KCND2: variants seen among roughly 807,000 people sequenced by gnomAD.
KCND2 encodes A-type voltage-gated potassium channel KCND2.
Under a neutral mutation model 54.4 loss-of-function variants are expected in KCND2, and 16 were observed. The ratio of observed to expected loss-of-function variants is 0.29; its 90% confidence interval spans 0.20 to 0.45. The LOEUF is 0.45. Among genes scored for constraint, KCND2 ranks in the 20% least tolerant of loss-of-function variants. KCND2 has a pLI of 1.00. For missense variants in KCND2, 486 were observed against 824.2 expected (o/e 0.59, Z 5.02); for synonymous variants, 317 against 310.7 (o/e 1.02, Z -0.21).
chr7:120,477,899 G>A (rs1440020539), intron 1 of KCND2, among the ~76,000 whole-genome samples: 1 of 152,106 alleles, frequency 6.6e-6, no homozygotes, highest in Non-Finnish European at 1.5e-5. Context: ...GTCAAAACTG[G>A]TAAGAGTTGC....
intron 1 of KCND2, among the ~76,000 whole-genome samples, chr7:120,551,031 C>A (rs566214275): frequency 6.6e-6 from 1 of 152,254 alleles, no homozygotes; most frequent in Admixed American, 6.5e-5. Flanking sequence ...AGAGAACCAA[C>A]CAATTGGCAT....
At chr7:120,636,799 C>T (rs546657893) in intron 1 of KCND2, among the ~76,000 whole-genome samples, 7 of 152,194 alleles carry the variant, frequency 4.6e-5, no homozygotes, top group African/African-American at 1.7e-4. Context: ...AAGCATTTTG[C>T]AGATTGCCTA....
intron 1 of KCND2, among the ~76,000 whole-genome samples, chr7:120,369,112 A>T (rs181259777): frequency 1.8e-4 from 28 of 152,044 alleles, no homozygotes; most frequent in African/African-American, 6.7e-4. Flanking sequence ...TTTGAAAGTT[A>T]ACAATTTTGG....
At chr7:120,665,075 C>G (rs1334997528) in intron 1 of KCND2, among the ~76,000 whole-genome samples, 2 of 152,012 alleles carry the variant, frequency 1.3e-5, no homozygotes, top group East Asian at 3.8e-4. Context: ...ACCCAAAATG[C>G]TGATTATTTT....
At chr7:120,354,347 C>G (rs1457239510) in intron 1 of KCND2, among the ~76,000 whole-genome samples, 1 of 152,152 alleles carries the variant, frequency 6.6e-6, no homozygotes, top group Non-Finnish European at 1.5e-5. Flanking sequence ...AACTTGTCAA[C>G]ATTTCAAAAA....
At chr7:120,286,362 G>A (rs2116266090) in intron 1 of KCND2, among the ~76,000 whole-genome samples, 1 of 151,980 alleles carries the variant, frequency 6.6e-6, no homozygotes, top group African/African-American at 2.4e-5. Flanking sequence ...ATAGCTATAT[G>A]ACCGATCTTA....
At chr7:120,428,484 C>G (rs1051183624) in intron 1 of KCND2, among the ~76,000 whole-genome samples, 1 of 152,138 alleles carries the variant, frequency 6.6e-6, no homozygotes, top group African/African-American at 2.4e-5. Context: ...CCATGACTAG[C>G]AGTCTGAAAG....
intron 1 of KCND2, among the ~76,000 whole-genome samples, chr7:120,283,753 A>G (rs1260883892): frequency 1.3e-5 from 2 of 152,174 alleles, no homozygotes; most frequent in Admixed American, 1.3e-4. Flanking sequence ...AATATTACAC[A>G]CATTTTGAAT....
chr7:120,654,203 C>T (rs952677200), intron 1 of KCND2, among the ~76,000 whole-genome samples: 2 of 151,810 alleles, frequency 1.3e-5, no homozygotes, highest in African/African-American at 2.4e-5. Context: ...AGAATGACTC[C>T]GAGAATGCAG....
intron 1 of KCND2, among the ~76,000 whole-genome samples, chr7:120,528,324 C>T (rs1791802025): frequency 6.6e-6 from 1 of 151,954 alleles, no homozygotes; most frequent in South Asian, 2.1e-4. Flanking sequence ...AGGAAAAGAA[C>T]TTGTTACATA....
chr7:120,565,377 G>GGGAATGAAACTGTTA (rs1792284052), intron 1 of KCND2, among the ~76,000 whole-genome samples: 1 of 152,148 alleles, frequency 6.6e-6, no homozygotes. Flanking sequence ...AGAAAAGAGA[G>GGGAATGAAACTGTTA]GGAATGAAAC....
intron 1 of KCND2, among the ~76,000 whole-genome samples, chr7:120,500,654 G>A (rs1017219557): frequency 6.6e-6 from 1 of 151,740 alleles, no homozygotes; most frequent in Non-Finnish European, 1.5e-5. Flanking sequence ...AATAACAACA[G>A]CAAAATTAAA....
At chr7:120,363,466 C>T (rs966940817) in intron 1 of KCND2, among the ~76,000 whole-genome samples, 23 of 152,078 alleles carry the variant, frequency 1.5e-4, no homozygotes, top group Non-Finnish European at 3.2e-4. Context: ...TTGCAGTTAT[C>T]CTTGATTCCA....
intron 1 of KCND2, among the ~76,000 whole-genome samples, chr7:120,641,631 T>C (rs1212189985): frequency 6.6e-6 from 1 of 152,114 alleles, no homozygotes; most frequent in Non-Finnish European, 1.5e-5. Flanking sequence ...TTAATATCCA[T>C]GCAATGACAT....
chr7:120,358,938 A>G (rs772324458), intron 1 of KCND2, among the ~76,000 whole-genome samples: 2 of 152,328 alleles, frequency 1.3e-5, no homozygotes, highest in African/African-American at 4.8e-5. Flanking sequence ...AAATGCATAC[A>G]TTGTAAACTT....
chr7:120,550,959 A>G (rs1296348685), intron 1 of KCND2, among the ~76,000 whole-genome samples: 1 of 152,224 alleles, frequency 6.6e-6, no homozygotes, highest in African/African-American at 2.4e-5. Context: ...AGATTGTGTT[A>G]TGTTGAAAGT....
chr7:120,529,364 C>T (rs1181869791), intron 1 of KCND2, among the ~76,000 whole-genome samples: 1 of 152,162 alleles, frequency 6.6e-6, no homozygotes, highest in African/African-American at 2.4e-5. Context: ...GGCCATTTCA[C>T]CTTCACCCTG....
intron 1 of KCND2, among the ~76,000 whole-genome samples, chr7:120,690,586 G>A (rs1351036833): frequency 6.6e-6 from 1 of 152,150 alleles, no homozygotes; most frequent in Non-Finnish European, 1.5e-5. Context: ...CTGGTGAAGG[G>A]CAGGACACTG....
chr7:120,610,023 C>G (rs1303427558), intron 1 of KCND2, among the ~76,000 whole-genome samples: 2 of 152,078 alleles, frequency 1.3e-5, no homozygotes, highest in South Asian at 2.1e-4. Flanking sequence ...AGTAATTATT[C>G]CACAAGTAAT....
Sources: gnomAD v4.1 joint callset for allele counts (sites outside exome capture counted in the v4.1 genomes callset) on GRCh38, gnomAD v4.1.1 for gene constraint, MANE v1.5 for transcripts, NCBI Gene and HGNC (gene_info 2026-07-23, HGNC 2026-07-21) for gene names.